The following GRIK2 variants were observed in gnomAD, a reference collection of about 807,000 sequenced individuals.
GRIK2 encodes glutamate ionotropic receptor kainate type subunit 2.
GRIK2 carries 32 observed loss-of-function variants against 100.3 expected under a neutral mutation model. The observed-to-expected ratio is 0.32, with a 90% CI of 0.24 to 0.43. The LOEUF is 0.43. Ranked by LOEUF, GRIK2 falls within the 20% of genes least tolerant of loss-of-function variation. GRIK2 has a pLI of 1.00. For missense variants in GRIK2, 843 were observed against 1,114.9 expected (o/e 0.76, Z 3.47); for synonymous variants, 417 against 389.4 (o/e 1.07, Z -0.83).
chr6:102,062,418 A>C (rs1479547730), intron 16 of GRIK2, among the ~76,000 whole-genome samples: 1 of 150,422 alleles, frequency 6.6e-6, no homozygotes, highest in East Asian at 1.9e-4. Context: ...ATGGAAGTTA[A>C]GATAATAGAG....
intron 2 of GRIK2, among the ~76,000 whole-genome samples, chr6:101,449,061 A>T (rs1383123076): frequency 6.6e-6 from 1 of 151,636 alleles, no homozygotes; most frequent in Non-Finnish European, 1.5e-5. Flanking sequence ...TTATGAGGAA[A>T]ATCTTTAAAT....
intron 2 of GRIK2, among the ~76,000 whole-genome samples, chr6:101,506,956 C>T (rs547832006): frequency 1.3e-5 from 2 of 152,148 alleles, no homozygotes; most frequent in East Asian, 3.9e-4. Flanking sequence ...TTATTCAGAC[C>T]ACTCTCTGGA....
chr6:102,021,297 G>T (rs1240936970), intron 14 of GRIK2, among the ~76,000 whole-genome samples: 2 of 151,618 alleles, frequency 1.3e-5, no homozygotes, highest in Non-Finnish European at 3.0e-5. Context: ...ATAAGGAAAT[G>T]AAATAAATGT....
chr6:101,848,454 T>A (rs1274994661), intron 10 of GRIK2, among the ~76,000 whole-genome samples: 1 of 152,156 alleles, frequency 6.6e-6, no homozygotes, highest in Non-Finnish European at 1.5e-5. Context: ...TCTACATATC[T>A]ATATTCAGAA....
At chr6:102,023,679 A>G (rs1769545953) in intron 14 of GRIK2, among the ~76,000 whole-genome samples, 1 of 151,664 alleles carries the variant, frequency 6.6e-6, no homozygotes, top group East Asian at 2.0e-4. Flanking sequence ...CTTTCTGGGC[A>G]GGGTTGAACA....
At chr6:101,495,215 G>A (rs1773373999) in intron 2 of GRIK2, among the ~76,000 whole-genome samples, 1 of 151,234 alleles carries the variant, frequency 6.6e-6, no homozygotes, top group South Asian at 2.1e-4. Context: ...CCTTTAAGTT[G>A]CAGATAAAGG....
chr6:101,448,957 G>T (rs375328919), intron 2 of GRIK2, among the ~76,000 whole-genome samples: 3 of 151,366 alleles, frequency 2.0e-5, no homozygotes, highest in African/African-American at 7.3e-5. Context: ...ATTGTTCATG[G>T]GATATTTGAA....
In GRIK2 at chr6:102,006,922, T is replaced by C. The variant is rs113032456; in HGVS notation, c.2086-28419T>C. The stretch of plus-strand genomic sequence containing the variant: ...TGCATATTTTCTGGGTAATTTTAAA[T>C]GGAAATAATTAATATTAATTTTGTT... On this transcript the variant is annotated intron_variant, in intron 14 of 16. Coordinates refer to ENST00000369134, the MANE Select transcript of GRIK2 (RefSeq NM_021956.5). Among the ~76,000 whole-genome samples the C allele has an allele frequency of 2.0e-3, 311 of 152,232 alleles. 1 individual carries two copies. The highest frequency in any genetic ancestry group is 7.3e-3 in the African/African-American group (304 of 41,552).
intron 7 of GRIK2, among the ~76,000 whole-genome samples, chr6:101,775,353 T>C (rs1452615614): frequency 1.3e-5 from 2 of 152,104 alleles, no homozygotes; most frequent in Non-Finnish European, 2.9e-5. Context: ...CAGTTTCTTA[T>C]CTGAATCTCA....
intron 2 of GRIK2, among the ~76,000 whole-genome samples, chr6:101,490,659 G>T (rs1773058139): frequency 6.8e-6 from 1 of 146,472 alleles, no homozygotes; most frequent in African/African-American, 2.6e-5. Context: ...TTGTCTTGTT[G>T]ATTTTAATAG....
intron 7 of GRIK2, among the ~76,000 whole-genome samples, chr6:101,691,115 A>C (rs1772062571): frequency 6.6e-6 from 1 of 152,098 alleles, no homozygotes; most frequent in African/African-American, 2.4e-5. Context: ...TGATTGAATA[A>C]ATGCATTTGT....
chr6:101,424,599 G>C (rs1776603579), intron 2 of GRIK2, among the ~76,000 whole-genome samples: 1 of 147,658 alleles, frequency 6.8e-6, no homozygotes, highest in African/African-American at 2.5e-5. Context: ...TAAGTTTTAG[G>C]TTACATGTGC....
chr6:101,862,176 A>T (rs530374347), intron 11 of GRIK2, among the ~76,000 whole-genome samples: 4 of 152,194 alleles, frequency 2.6e-5, no homozygotes, highest in African/African-American at 9.6e-5. Context: ...GATTACAGGG[A>T]GGGAAACAAG....
intron 14 of GRIK2, among the ~76,000 whole-genome samples, chr6:101,959,384 T>A (rs1051572931): frequency 6.6e-5 from 10 of 152,160 alleles, no homozygotes; most frequent in Admixed American, 3.3e-4. Flanking sequence ...GTGATACTCA[T>A]AGCAGTCTTT....
chr6:101,818,641 G>A (rs1562412392), intron 10 of GRIK2, among the ~76,000 whole-genome samples, 158 bp downstream of exon 10: 2 of 152,166 alleles, frequency 1.3e-5, no homozygotes, highest in East Asian at 3.8e-4. Flanking sequence ...TTTAGTCACA[G>A]TTTTGTTAGT....
chr6:102,046,628 C>CTCTT (rs1491276598), intron 15 of GRIK2, among the ~76,000 whole-genome samples: 14 of 152,160 alleles, frequency 9.2e-5, no homozygotes, highest in African/African-American at 2.9e-4. Flanking sequence ...TCAATTAAAA[C>CTCTT]TCTTTTCTTC....
chr6:101,433,684 A>G (rs906648067), intron 2 of GRIK2, among the ~76,000 whole-genome samples: 1 of 152,068 alleles, frequency 6.6e-6, no homozygotes, highest in Non-Finnish European at 1.5e-5. Flanking sequence ...TTTATGCTGA[A>G]GAGCAAGATA....
At chr6:101,438,126 C>T (rs1217002315) in intron 2 of GRIK2, among the ~76,000 whole-genome samples, 1 of 151,938 alleles carries the variant, frequency 6.6e-6, no homozygotes, top group East Asian at 1.9e-4. Context: ...TATTAAGTGC[C>T]ACATTTGTTA....
chr6:101,786,392 G>A (rs1215566589), intron 7 of GRIK2, among the ~76,000 whole-genome samples: 1 of 151,930 alleles, frequency 6.6e-6, no homozygotes, highest in Non-Finnish European at 1.5e-5. Flanking sequence ...TTAGAGGAAA[G>A]GATTTCAGCT....
Sources: allele counts gnomAD v4.1 joint callset (sites outside exome capture counted in the v4.1 genomes callset), GRCh38; gene constraint gnomAD v4.1.1; transcripts MANE v1.5; gene names NCBI Gene and HGNC (gene_info 2026-07-23, HGNC 2026-07-21).